The following ADGRF1 variants were observed in gnomAD, a reference collection of about 807,000 sequenced individuals.
The protein encoded by ADGRF1 is adhesion G protein-coupled receptor F1, also known as G protein-coupled receptor 110.
In ADGRF1, 85 loss-of-function variants were observed where a neutral mutation model predicts 87.2. The observed-to-expected ratio is 0.97, with a 90% CI of 0.82 to 1.17. The LOEUF is 1.17. Ranked by LOEUF, ADGRF1 falls within the 50% of genes most tolerant of loss-of-function variation. The probability of loss-of-function intolerance (pLI) is 0.00; values close to 1 mark genes in which losing one functional copy is unlikely to be tolerated. For synonymous variants in ADGRF1, 430 were observed against 408.8 expected (o/e 1.05, Z -0.63); for missense variants, 1,169 against 1,077.2 (o/e 1.09, Z -1.19).
At position 46,998,360 on chromosome 6, in the gene ADGRF1, C is replaced by A. The variant is rs1476811796; in HGVS notation, c.*1862G>T. 6.6e-6 allele frequency: 1 copy of A among 152,234 alleles called. No homozygotes were observed. Among genetic ancestry groups the A allele is most frequent in the Non-Finnish European group, 1.5e-5 (1 of 68,106 alleles). The allele number at this position is 152,234 out of a possible 1,614,324, so 9.4% of individuals were successfully genotyped here. A position where few individuals can be genotyped will look rare whatever the true frequency, so the allele number is the denominator to read the frequency against. On this transcript the variant is annotated 3_prime_UTR_variant, in exon 15 of 15. Coordinates refer to ENST00000371253, the MANE Select transcript of ADGRF1 (RefSeq NM_153840.4). ...ACTCCTTCCTCATCCCACAATCTGG[C>A]TTCACCTCCCACTTCTTGATGCTGG...
intron 11 of ADGRF1, among the ~76,000 whole-genome samples, chr6:47,007,957 A>T (rs553028042): frequency 6.6e-6 from 1 of 152,220 alleles, no homozygotes; most frequent in Non-Finnish European, 1.5e-5. Flanking sequence ...TAGATGGAGA[A>T]CCAACTTTTA....
intron 7 of ADGRF1, chr6:47,019,260 C>A (rs1222379480): frequency 3.2e-6 from 3 of 945,100 alleles, no homozygotes; most frequent in Admixed American, 6.2e-5. Context: ...AAAGTATGAT[C>A]AACTGTATAA....
chr6:47,011,587 A>G (rs1023212912), intron 10 of ADGRF1, among the ~76,000 whole-genome samples: 1 of 152,186 alleles, frequency 6.6e-6, no homozygotes, highest in Non-Finnish European at 1.5e-5. Flanking sequence ...CATTTATGTA[A>G]TTTGTAAGTT....
At position 47,022,050 on chromosome 6, in the gene ADGRF1, C is replaced by T. The variant is rs1281551266; in HGVS notation, c.460G>A (p.Gly154Ser). The T allele has an allele frequency of 6.4e-7, 1 of 1,552,562 alleles. No homozygotes were observed. Among genetic ancestry groups the T allele is most frequent in the Admixed American group, 2.1e-5 (1 of 48,446 alleles). Residue 154 changes from glycine (G) to serine (S), a missense_variant, in exon 6 of 15, where the codon GGC (glycine) becomes AGC (serine). By Grantham distance (56) the Gly-to-Ser change is moderately conservative. Transcript: ENST00000371253. ...AACCTTTCATTAATTTTGAAAGTGCCCCAAATCTCTGTAGGAAATAAAAAT... is the reference window on the plus strand; with the variant it reads ...AACCTTTCATTAATTTTGAAAGTGCTCCAAATCTCTGTAGGAAATAAAAAT... ...VNFCERTKIWGTFKINERFTN... is the reference protein window; with the variant it reads ...VNFCERTKIWSTFKINERFTN...
intron 1 of ADGRF1, among the ~76,000 whole-genome samples, chr6:47,041,241 T>C (rs866447384): frequency 5.3e-5 from 8 of 152,262 alleles, no homozygotes; most frequent in Non-Finnish European, 1.2e-4. Context: ...TGGTGTTTTC[T>C]TAATGACAAC....
At chr6:47,041,537 CAAAG>C (rs1424879754) in intron 1 of ADGRF1, among the ~76,000 whole-genome samples, 1 of 151,684 alleles carries the variant, frequency 6.6e-6, no homozygotes, top group East Asian at 1.9e-4. Context: ...TTCATGAAAA[CAAAG>C]AAAAGAGAAA....
chr6:47,014,737 C>G lies in ADGRF1; in HGVS notation c.871G>C (p.Gly291Arg). The G allele has an allele frequency of 6.2e-7, 1 of 1,613,946 alleles. No individual in the cohort carries two copies. ...GNITAKCESS[G>R]WQVIRETCVL... ...CAAGTCTCCCTGATGACCTGCCACC[C>G]AGAGGACTCACACTTGGCTGTGATG... Residue 291 changes from glycine (G) to arginine (R), a missense_variant, in exon 9 of 15, where the codon GGG (glycine) becomes CGG (arginine). Physicochemically the swap from Gly to Arg is moderately radical, Grantham distance 125. Coordinates refer to ENST00000371253, the MANE Select transcript of ADGRF1 (RefSeq NM_153840.4).
intron 1 of ADGRF1, among the ~76,000 whole-genome samples, chr6:47,030,324 C>T (rs1395672494): frequency 6.6e-6 from 1 of 152,102 alleles, no homozygotes; most frequent in East Asian, 1.9e-4. Context: ...ATGAATGGTC[C>T]TCTTATGCCC....
At chr6:47,015,236 G>T (rs17216819) in intron 8 of ADGRF1, among the ~76,000 whole-genome samples, 4,393 of 152,332 alleles carry the variant, frequency 0.029, 82 homozygotes, top group Middle Eastern at 0.075. Flanking sequence ...AAGCAGTAAT[G>T]TTATGGTTAA....
Position 47,014,737 on chromosome 6 carries a change from C to A in ADGRF1, c.871G>T (p.Gly291Trp). 4 of 1,613,946 alleles carry A rather than the reference C, an allele frequency of 2.5e-6. No homozygotes were observed. Among genetic ancestry groups the A allele is most frequent in the South Asian group, 1.1e-5 (1 of 91,070 alleles). ...CAAGTCTCCCTGATGACCTGCCACC[C>A]AGAGGACTCACACTTGGCTGTGATG... ...GNITAKCESS[G>W]WQVIRETCVL... Residue 291 changes from glycine (G) to tryptophan (W), a missense_variant, in exon 9 of 15, where the codon GGG becomes TGG. Physicochemically the swap from Gly to Trp is radical, Grantham distance 184. Transcript: ENST00000371253.
At chr6:47,034,765 T>G (rs368402183) in intron 1 of ADGRF1, among the ~76,000 whole-genome samples, 7 of 152,234 alleles carry the variant, frequency 4.6e-5, no homozygotes, top group African/African-American at 1.7e-4. Flanking sequence ...TATGTTTCAT[T>G]GACTGGTTGT....
chr6:47,013,294 G>T (rs1779763856), intron 9 of ADGRF1: 1 of 985,390 alleles, frequency 1.0e-6, no homozygotes, highest in Non-Finnish European at 1.2e-6. Context: ...CTCAACTATT[G>T]CTCATGTCCA....
intron 12 of ADGRF1, 72 bp downstream of exon 12, chr6:47,007,181 G>A (rs1234069639): frequency 2.4e-6 from 2 of 847,844 alleles, no homozygotes; most frequent in Non-Finnish European, 3.8e-6. Flanking sequence ...TATGAATAAA[G>A]GCCTCAGAAC....
chr6:47,007,280 T>C lies in ADGRF1; in HGVS notation c.2505A>G (p.Leu835=). 1 of 1,547,882 alleles carries C rather than the reference T, an allele frequency of 6.5e-7. No homozygotes were observed. The highest frequency in any genetic ancestry group is 1.1e-5 in the South Asian group (1 of 88,700). Residue 835 remains leucine, a synonymous_variant, in exon 12 of 15, where the codon TTA becomes TTG. Transcript: ENST00000371253. ...TACTGTCCAAGAGTATTCCAAAGCA[T>C]AAGATAAAAAATCCCTTTAAAAAGA... ...LLNAFQGFFI[L]CFGILLDSKL...
At chr6:47,038,810 T>A (rs1780662006) in intron 1 of ADGRF1, among the ~76,000 whole-genome samples, 1 of 152,242 alleles carries the variant, frequency 6.6e-6, no homozygotes, top group Admixed American at 6.5e-5. Context: ...GATACCTTGT[T>A]CAACAACGTA....
chr6:47,003,552 C>T (rs1010652945), intron 13 of ADGRF1, among the ~76,000 whole-genome samples: 3 of 152,144 alleles, frequency 2.0e-5, no homozygotes, highest in Non-Finnish European at 2.9e-5. Flanking sequence ...TCTACACAAC[C>T]CCTTAGCTTA....
intron 4 of ADGRF1, 56 bp from the exon 5 acceptor site, chr6:47,024,273 C>T (rs1780159810): frequency 8.2e-7 from 1 of 1,213,210 alleles, no homozygotes; most frequent in Non-Finnish European, 1.2e-6. Flanking sequence ...CTGACTACTG[C>T]TGAGCAGTGA....
chr6:47,017,273 A>T (rs1779912832), intron 7 of ADGRF1: 1 of 152,238 alleles, frequency 6.6e-6, no homozygotes, highest in African/African-American at 2.4e-5. Context: ...AGGACATTAG[A>T]GTTGCGATTT....
Position 47,016,694 on chromosome 6 carries a change from T to C in ADGRF1, c.686A>G (p.His229Arg), listed in dbSNP as rs768206344. 1.9e-6 allele frequency: 3 copies of C among 1,612,676 alleles called. No individual in the cohort carries two copies. The highest frequency in any genetic ancestry group is 2.2e-5 in the East Asian group (1 of 44,862). The change falls in exon 8 of 15, where the codon CAT (histidine) becomes CGT (arginine). Residue 229 changes from histidine to arginine, a missense_variant. Physicochemically the swap from His to Arg is conservative, Grantham distance 29 (BLOSUM62 0). Coordinates refer to ENST00000371253, the MANE Select transcript of ADGRF1 (RefSeq NM_153840.4). ...SASELLSAIE[H>R]VAEKAKTALH... ...GGCTGTCTTAGCCTTCTCGGCAACA[T>C]GTTCAATGGCTGACAGCAGTTCAGA...
Sources: gnomAD v4.1 joint callset for allele counts (sites outside exome capture counted in the v4.1 genomes callset) on GRCh38, gnomAD v4.1.1 for gene constraint, MANE v1.5 for transcripts, NCBI Gene and HGNC (gene_info 2026-07-23, HGNC 2026-07-21) for gene names.